Variants in TAFA5 observed in about 807,000 individuals in gnomAD.
TAFA5 encodes TAFA chemokine like family member 5, also known as chemokine-like protein TAFA-5.
Under a neutral mutation model 15.3 loss-of-function variants are expected in TAFA5, and 6 were observed. That is an observed-to-expected ratio of 0.39 (90% CI 0.21 to 0.77). The LOEUF is 0.77. Ranked by LOEUF, TAFA5 falls within the 30% of genes least tolerant of loss-of-function variation. The pLI is 0.41. For missense variants in TAFA5, 161 were observed against 193.1 expected (o/e 0.83, Z 0.98); for synonymous variants, 103 against 80.7 (o/e 1.28, Z -1.48).
chr22:48,667,809 C>T (rs11703465), intron 2 of TAFA5, among the ~76,000 whole-genome samples: 169 of 2,702 alleles, frequency 0.063, 8 homozygotes, highest in East Asian at 0.54. Flanking sequence ...GCGTCTTCAC[C>T]GGGAGCGTTA....
chr22:48,634,116 A>ACTCG (rs1380662528), intron 1 of TAFA5, among the ~76,000 whole-genome samples: 15 of 73,414 alleles, frequency 2.0e-4, no homozygotes, highest in East Asian at 2.2e-3. Flanking sequence ...ACGTTCACTC[A>ACTCG]CTCGCTCACT....
chr22:48,698,934 C>CTTTTTT (rs745562520), intron 2 of TAFA5, among the ~76,000 whole-genome samples: 1 of 94,708 alleles, frequency 1.1e-5, no homozygotes, highest in Non-Finnish European at 2.0e-5. Flanking sequence ...TGTGGCAATG[C>CTTTTTT]TTTTTTTTTT....
intron 3 of TAFA5, among the ~76,000 whole-genome samples, chr22:48,720,212 G>A (rs1212838119): frequency 6.6e-6 from 1 of 152,062 alleles, no homozygotes; most frequent in Non-Finnish European, 1.5e-5. Flanking sequence ...CGTTACGTTG[G>A]GTCAGGGTGA....
At chr22:48,716,265 A>G (rs1929398331) in intron 3 of TAFA5, among the ~76,000 whole-genome samples, 1 of 152,210 alleles carries the variant, frequency 6.6e-6, no homozygotes. Flanking sequence ...TGTGGAACCA[A>G]CCCAAATGCC....
chr22:48,490,930 G>C lies in TAFA5; in HGVS notation c.112+1226G>C, dbSNP rs1308823282. Among the ~76,000 whole-genome samples the C allele has an allele frequency of 1.3e-5, 2 of 152,200 alleles. No individual in the cohort carries two copies. Among genetic ancestry groups the C allele is most frequent in the African/African-American group, 4.8e-5 (2 of 41,466 alleles). ...CCCAGGGAGACCCGGGCAGCCGCGG[G>C]ATCGGCCTCCGGAGTCCTGGGACAG... On this transcript the variant is annotated intron_variant, in intron 1 of 3. Transcript: ENST00000402357. The surrounding 1 kb of genome is among the most constrained non-coding windows in gnomAD (Gnocchi z 5.8).
At chr22:48,720,645 G>A (rs1188714842) in intron 3 of TAFA5, among the ~76,000 whole-genome samples, 7 of 152,156 alleles carry the variant, frequency 4.6e-5, no homozygotes, top group African/African-American at 1.7e-4. Flanking sequence ...AAGACATGGG[G>A]AGACACCCTG....
intron 1 of TAFA5, among the ~76,000 whole-genome samples, chr22:48,523,237 C>T (rs539879592): frequency 7.9e-5 from 12 of 152,224 alleles, no homozygotes; most frequent in African/African-American, 2.9e-4. Flanking sequence ...TGGCGCTTGG[C>T]TCCTGTGCTC....
intron 2 of TAFA5, among the ~76,000 whole-genome samples, chr22:48,678,048 G>A (rs5771939): frequency 0.51 from 77,779 of 151,866 alleles, 20,685 homozygotes; most frequent in Non-Finnish European, 0.6. Context: ...CCCCGCCCCC[G>A]TTGCTCTGTC....
At chr22:48,594,803 C>A (rs1461518384) in intron 1 of TAFA5, among the ~76,000 whole-genome samples, 1 of 152,164 alleles carries the variant, frequency 6.6e-6, no homozygotes, top group African/African-American at 2.4e-5. Context: ...AGGACGGGCG[C>A]CCTGCCAGGA....
intron 2 of TAFA5, among the ~76,000 whole-genome samples, chr22:48,682,558 G>A (rs1208314614): frequency 6.6e-6 from 1 of 152,232 alleles, no homozygotes; most frequent in Non-Finnish European, 1.5e-5. Context: ...CCCACAAGTT[G>A]GTGAAAGCAG....
At chr22:48,557,792 C>A (rs1343605995) in intron 1 of TAFA5, among the ~76,000 whole-genome samples, 2 of 152,210 alleles carry the variant, frequency 1.3e-5, no homozygotes, top group Non-Finnish European at 2.9e-5. Flanking sequence ...TCAGGGAGGG[C>A]TCTGGCCATG....
At chr22:48,646,475 G>C in intron 1 of TAFA5, 122 bp from the exon 2 acceptor site, 1 of 1,233,420 alleles carries the variant, frequency 8.1e-7, no homozygotes, top group Middle Eastern at 2.8e-4. Flanking sequence ...TCTGAGTGAA[G>C]CGGTCTCCCT....
intron 3 of TAFA5, among the ~76,000 whole-genome samples, chr22:48,747,788 TCAGGAGGCTGAGG>T (rs1930369580): frequency 6.6e-6 from 1 of 151,560 alleles, no homozygotes; most frequent in South Asian, 2.1e-4. Flanking sequence ...TCCCAGCTTC[TCAGGAGGCTGAGG>T]CAGGAGGATC....
chr22:48,535,566 G>A (rs1922127741), intron 1 of TAFA5, among the ~76,000 whole-genome samples: 1 of 152,128 alleles, frequency 6.6e-6, no homozygotes, highest in Non-Finnish European at 1.5e-5. Context: ...CAAGCTGTGT[G>A]GGTATATGCA....
At chr22:48,684,807 G>A (rs982400271) in intron 2 of TAFA5, among the ~76,000 whole-genome samples, 1 of 152,138 alleles carries the variant, frequency 6.6e-6, no homozygotes, top group African/African-American at 2.4e-5. Context: ...CCCAGGGCCC[G>A]ACCTGCTCAC....
rs1930460985 is a variant in TAFA5, at chr22:48,750,606, A to C, written c.*759A>C. 2.0e-5 allele frequency: 3 copies of C among 152,634 alleles called. No homozygotes were observed. Among genetic ancestry groups the C allele is most frequent in the Non-Finnish European group, 4.4e-5 (3 of 68,102 alleles). The allele number at this position is 152,634 out of a possible 1,614,324, so 9.5% of individuals were successfully genotyped here. ...GCTTTATTCCTCTGTACTTAGATCA[A>C]CTTGACCGTACTAAAATCCCTTTCT... On this transcript the variant is annotated 3_prime_UTR_variant, in exon 4 of 4. Transcript: ENST00000402357.
At chr22:48,718,572 C>T (rs1433562107) in intron 3 of TAFA5, among the ~76,000 whole-genome samples, 1 of 152,132 alleles carries the variant, frequency 6.6e-6, no homozygotes, top group East Asian at 1.9e-4. Flanking sequence ...TCCCAGAGCA[C>T]TCCCCAGAGT....
intron 1 of TAFA5, among the ~76,000 whole-genome samples, chr22:48,510,414 A>G (rs73171486): frequency 6.6e-6 from 1 of 152,364 alleles, no homozygotes; most frequent in Non-Finnish European, 1.5e-5. Flanking sequence ...TCAAAAGAAG[A>G]CATCCAGATG....
chr22:48,509,882 C>T (rs1220262123), intron 1 of TAFA5, among the ~76,000 whole-genome samples: 13 of 148,830 alleles, frequency 8.7e-5, no homozygotes, highest in Non-Finnish European at 1.3e-4. Context: ...ACCCGGGAGG[C>T]GGAGCTTGCA....
Sources: allele counts gnomAD v4.1 joint callset (sites outside exome capture counted in the v4.1 genomes callset), GRCh38; gene constraint gnomAD v4.1.1; non-coding constraint Gnocchi (gnomAD v3.1); transcripts MANE v1.5; gene names NCBI Gene and HGNC (gene_info 2026-07-23, HGNC 2026-07-21).